The following RILPL2 variants were observed in gnomAD, a reference collection of about 807,000 sequenced individuals.
RILPL2 encodes RILP-like protein 2.
Under a neutral mutation model 22.2 loss-of-function variants are expected in RILPL2, and 19 were observed. That is an observed-to-expected ratio of 0.86 (90% CI 0.60 to 1.25). RILPL2 has a LOEUF of 1.25. RILPL2 is among the 50% of genes most tolerant of loss of function. The pLI, the probability that RILPL2 is intolerant of heterozygous loss-of-function variation, is 0.00. For missense variants in RILPL2, 243 were observed against 263.6 expected, an observed-to-expected ratio of 0.92 and a Z score of 0.54; for synonymous variants, 123 against 111.6, an observed-to-expected ratio of 1.10 and a Z score of -0.64.
intron 2 of RILPL2, among the ~76,000 whole-genome samples, chr12:123,426,329 A>G (rs1409636596): frequency 6.6e-6 from 1 of 151,710 alleles, no homozygotes; most frequent in Non-Finnish European, 1.5e-5. Context: ...TTGTATTTTT[A>G]GTATTGACGG....
At position 123,436,684 on chromosome 12, in the gene RILPL2, G is replaced by T; in HGVS notation, c.-264C>A. 1.8e-6 allele frequency: 1 copy of T among 546,226 alleles called. No individual in the cohort carries two copies. The highest frequency in any genetic ancestry group is 3.2e-6 in the Non-Finnish European group (1 of 309,842). 33.8% of individuals were successfully genotyped at this position (546,226 alleles called of 1,614,324 possible). On this transcript the variant is annotated 5_prime_UTR_variant, in exon 1 of 4. Coordinates refer to ENST00000280571, the MANE Select transcript of RILPL2 (RefSeq NM_145058.3). This position sits in a 1 kb window ranked among gnomAD's most constrained non-coding sequence, Gnocchi z 6.7. ...TGGGGCGCGAAGGGACAACGGAAAAGGAGGCAGCCGAGAAGAGGAACGGGG... is the reference window on the plus strand; with the variant it reads ...TGGGGCGCGAAGGGACAACGGAAAATGAGGCAGCCGAGAAGAGGAACGGGG...
the RILPL2 span, among the ~76,000 whole-genome samples, chr12:123,409,994 A>G: frequency 2.6e-5 from 4 of 151,842 alleles, no homozygotes; most frequent in East Asian, 1.9e-4. Context: ...CCAAACTGCT[A>G]GGATTACAGG....
Position 123,423,055 on chromosome 12 carries a change from G to T in RILPL2, c.594C>A (p.Ile198=). 2 of 1,611,696 alleles carry T rather than the reference G, an allele frequency of 1.2e-6. No homozygotes were observed. The highest frequency in any genetic ancestry group is 1.7e-6 in the Non-Finnish European group (2 of 1,178,184). The change falls in exon 3 of 4, where the codon ATC becomes ATA. Residue 198 remains isoleucine (I), a synonymous_variant. Transcript: ENST00000280571. ...NAGRNKEEKT[I]IKKLFFFRSG... is the part of the protein sequence containing the mutation. ...AAGGTGACACTTACAGCTTTTTTAT[G>T]ATTGTCTTCTCCTCCTTGTTCCTGC... is the stretch of plus-strand genomic sequence containing the variant.
chr12:123,423,013 C>T (rs753240469), intron 3 of RILPL2, 31 bp downstream of exon 3: 29 of 1,480,220 alleles, frequency 2.0e-5, no homozygotes, highest in Admixed American at 5.1e-5. Context: ...TATTATTTGG[C>T]GGGACCGGGG....
chr12:123,422,721 C>G (rs1879320380), intron 3 of RILPL2, among the ~76,000 whole-genome samples: 1 of 152,040 alleles, frequency 6.6e-6, no homozygotes, highest in Admixed American at 6.6e-5. Context: ...TCCTTGGGTT[C>G]CTGACTTCAC....
chr12:123,413,200 A>C (rs11562637), downstream of RILPL2: 119,939 of 159,102 alleles, frequency 0.75, 45,767 homozygotes, highest in East Asian at 0.99. Context: ...CGTCCCCACC[A>C]CCCCCCAAAA....
chr12:123,432,470 C>T (rs1879679355), intron 1 of RILPL2, among the ~76,000 whole-genome samples: 1 of 152,200 alleles, frequency 6.6e-6, no homozygotes, highest in South Asian at 2.1e-4. Context: ...CAAACCACTG[C>T]ACGCCAGCCT....
chr12:123,416,281 G>A (rs1269692755), intron 3 of RILPL2, among the ~76,000 whole-genome samples: 3 of 152,038 alleles, frequency 2.0e-5, no homozygotes, highest in African/African-American at 7.2e-5. Flanking sequence ...CCGAGATTGC[G>A]CCACTGCACT....
intron 3 of RILPL2, 137 bp from the exon 4 acceptor site, chr12:123,416,058 C>T: frequency 1.2e-6 from 1 of 860,122 alleles, no homozygotes; most frequent in Non-Finnish European, 2.0e-6. Context: ...GTGGCTCACG[C>T]CTGTAATCCT....
At chr12:123,416,638 T>TCAAAAA (rs1049177907) in intron 3 of RILPL2, among the ~76,000 whole-genome samples, 3 of 152,296 alleles carry the variant, frequency 2.0e-5, no homozygotes, top group African/African-American at 7.2e-5. Flanking sequence ...AGACTCCGTC[T>TCAAAAA]CAAAAACAAA....
intron 3 of RILPL2, among the ~76,000 whole-genome samples, chr12:123,417,964 G>A (rs1879165911): frequency 6.6e-6 from 1 of 152,178 alleles, no homozygotes; most frequent in Non-Finnish European, 1.5e-5. Flanking sequence ...TTTGGTGGGA[G>A]ACGGGATCTT....
At chr12:123,430,136 T>C (rs1233685097) in intron 2 of RILPL2, among the ~76,000 whole-genome samples, 3 of 123,290 alleles carry the variant, frequency 2.4e-5, no homozygotes, top group South Asian at 2.7e-4. Context: ...AAAGCCAGGC[T>C]TGGTGGCTCA....
Position 123,436,362 on chromosome 12 carries a change from C to T in RILPL2, c.59G>A (p.Arg20Lys), listed in dbSNP as rs1229588557. ...EEEEGEEDEERDEVGPEGALG... is the reference protein window; with the variant it reads ...EEEEGEEDEEKDEVGPEGALG... ...CGCCCCCTCGGGCCCAACCTCGTCCCTCTCCTCGTCCTCCTCTCCCTCCTC... is the reference window on the plus strand; with the variant it reads ...CGCCCCCTCGGGCCCAACCTCGTCCTTCTCCTCGTCCTCCTCTCCCTCCTC... The change falls in exon 1 of 4, where the codon AGG (arginine) becomes AAG (lysine). Residue 20 changes from arginine (R) to lysine (K), a missense_variant. Coordinates refer to ENST00000280571, the MANE Select transcript of RILPL2 (RefSeq NM_145058.3). The surrounding 1 kb of genome is among the most constrained non-coding windows in gnomAD (Gnocchi z 6.7). 7.1e-6 allele frequency: 11 copies of T among 1,555,580 alleles called. No individual in the cohort carries two copies. Among genetic ancestry groups the T allele is most frequent in the Non-Finnish European group, 9.6e-6 (11 of 1,149,416 alleles).
intron 3 of RILPL2, among the ~76,000 whole-genome samples, chr12:123,416,467 G>A (rs933648240): frequency 6.2e-4 from 94 of 151,866 alleles, no homozygotes; most frequent in Non-Finnish European, 9.4e-4. Context: ...GTGAAACCCC[G>A]TCTCTACTAA....
intron 2 of RILPL2, among the ~76,000 whole-genome samples, chr12:123,426,790 G>A (rs1879454392): frequency 6.6e-6 from 1 of 151,552 alleles, no homozygotes; most frequent in Non-Finnish European, 1.5e-5. Context: ...TTTTAGTAGA[G>A]ACGGGGTTTC....
chr12:123,422,063 C>T (rs1257355707), intron 3 of RILPL2, among the ~76,000 whole-genome samples: 3 of 144,964 alleles, frequency 2.1e-5, no homozygotes, highest in Non-Finnish European at 4.5e-5. Context: ...AGTGCAGTAG[C>T]GTGATAATAG....
rs138547196 is a variant in RILPL2 at position 123,430,191 on chromosome 12, G to T, written c.491+317C>A. 1.0e-4 allele frequency among the ~76,000 whole-genome samples: 15 copies of T among 147,756 alleles called. No homozygotes were observed. In the East Asian group the frequency reaches 1.4e-3, roughly 14 times the overall value. On this transcript the variant is annotated intron_variant, in intron 2 of 3. Transcript: ENST00000280571. ...TTGGGAGGCCAAGGTGGGCAGATCA[G>T]GAGGTCAGGAGATCGAGACCATTCT...
At chr12:123,433,290 A>G (rs1251736537) in intron 1 of RILPL2, among the ~76,000 whole-genome samples, 1 of 151,840 alleles carries the variant, frequency 6.6e-6, no homozygotes, top group Non-Finnish European at 1.5e-5. Flanking sequence ...TATTTTTAGT[A>G]GACACGGGGT....
rs371839182 is a variant in RILPL2 at position 123,423,105 on chromosome 12, C to A, written c.544G>T (p.Val182Leu). 2 of 1,613,704 alleles carry A rather than the reference C, an allele frequency of 1.2e-6. No individual in the cohort carries two copies. The highest frequency in any genetic ancestry group is 3.3e-5 in the Admixed American group (2 of 59,936). ...CCAGCATTTTTGGCACTAGTAACCA[C>A]AGCATCTTTTTCTCTTCTTCCTCCT... ...GPGGRREKDAVVTSAKNAGRN... is the reference protein window; with the variant it reads ...GPGGRREKDALVTSAKNAGRN... The change falls in exon 3 of 4, where the codon GTG becomes TTG. Residue 182 changes from valine to leucine, a missense_variant. Coordinates refer to ENST00000280571, the MANE Select transcript of RILPL2 (RefSeq NM_145058.3).
Sources: gnomAD v4.1 joint callset for allele counts (sites outside exome capture counted in the v4.1 genomes callset) on GRCh38, gnomAD v4.1.1 for gene constraint, Gnocchi (gnomAD v3.1) non-coding constraint, MANE v1.5 for transcripts, NCBI Gene and HGNC (gene_info 2026-07-23, HGNC 2026-07-21) for gene names.